RPS6KA2: variants seen among roughly 807,000 people sequenced by gnomAD.
RPS6KA2 encodes the protein ribosomal protein S6 kinase alpha-2.
Under a neutral mutation model 91.8 loss-of-function variants are expected in RPS6KA2, and 42 were observed. That is an observed-to-expected ratio of 0.46 (90% CI 0.36 to 0.59). The LOEUF (loss-of-function observed/expected upper bound fraction) is 0.59, where lower values mean the gene tolerates loss of function less well. RPS6KA2 is among the 20% of genes least tolerant of loss of function. The pLI, the probability that RPS6KA2 is intolerant of heterozygous loss-of-function variation, is 0.00. For missense variants in RPS6KA2, 798 were observed against 978.5 expected (o/e 0.82, Z 2.46); for synonymous variants, 414 against 393.6 (o/e 1.05, Z -0.61).
intron 1 of RPS6KA2, among the ~76,000 whole-genome samples, chr6:166,622,230 A>G (rs1490358837): frequency 1.3e-5 from 2 of 152,236 alleles, no homozygotes; most frequent in African/African-American, 2.4e-5. Context: ...AAACAACAAC[A>G]CTATTTCGGG....
At chr6:166,518,397 T>C (rs1175225566) in intron 3 of RPS6KA2, among the ~76,000 whole-genome samples, 1 of 151,784 alleles carries the variant, frequency 6.6e-6, no homozygotes, top group Admixed American at 6.6e-5. Context: ...TATTTACAAA[T>C]TGGCCATTCA....
chr6:166,812,693 T>C (rs1779671139), intron 2 of RPS6KA2, among the ~76,000 whole-genome samples: 1 of 152,214 alleles, frequency 6.6e-6, no homozygotes, highest in Non-Finnish European at 1.5e-5. Flanking sequence ...ACTCCAGGAA[T>C]AATTTTATGC....
At chr6:166,684,866 C>A (rs1387506491) in intron 2 of RPS6KA2, among the ~76,000 whole-genome samples, 2 of 152,268 alleles carry the variant, frequency 1.3e-5, no homozygotes, top group African/African-American at 4.8e-5. Flanking sequence ...CTTTCTCCTT[C>A]TTTCCAATTT....
At chr6:166,756,078 C>A (rs556017333) in intron 2 of RPS6KA2, among the ~76,000 whole-genome samples, 24 of 152,126 alleles carry the variant, frequency 1.6e-4, no homozygotes, top group African/African-American at 5.8e-4. Flanking sequence ...ATCATGAGGT[C>A]AGGAGATGGA....
At chr6:166,465,594 C>T (rs1780488372) in intron 11 of RPS6KA2, among the ~76,000 whole-genome samples, 3 of 152,222 alleles carry the variant, frequency 2.0e-5, no homozygotes, top group African/African-American at 4.8e-5. Flanking sequence ...GTCCTGAACA[C>T]GGTGTTTTCA....
chr6:166,736,631 A>G (rs1790676119), intron 2 of RPS6KA2, among the ~76,000 whole-genome samples: 1 of 152,204 alleles, frequency 6.6e-6, no homozygotes, highest in Admixed American at 6.5e-5. Flanking sequence ...CAAAGTGTGC[A>G]AAACTCTAAG....
At chr6:166,613,840 A>G (rs1233420642) in intron 1 of RPS6KA2, among the ~76,000 whole-genome samples, 1 of 151,924 alleles carries the variant, frequency 6.6e-6, no homozygotes, top group Non-Finnish European at 1.5e-5. Context: ...CGGGCTTTCC[A>G]CGGCCTTCAG....
At chr6:166,716,671 C>T (rs1790022852) in intron 2 of RPS6KA2, among the ~76,000 whole-genome samples, 1 of 152,158 alleles carries the variant, frequency 6.6e-6, no homozygotes, top group Non-Finnish European at 1.5e-5. Flanking sequence ...GTTGTAATAA[C>T]AAATTATTCA....
At chr6:166,705,333 G>A (rs1789650835) in intron 2 of RPS6KA2, among the ~76,000 whole-genome samples, 1 of 152,172 alleles carries the variant, frequency 6.6e-6, no homozygotes, top group Admixed American at 6.5e-5. Flanking sequence ...TGTCTCTGCT[G>A]CCACCTTCAT....
chr6:166,739,235 A>G (rs1272690222), intron 2 of RPS6KA2, among the ~76,000 whole-genome samples: 1 of 152,230 alleles, frequency 6.6e-6, no homozygotes. Flanking sequence ...CTTTTCTTTG[A>G]TATTTCTCAT....
intron 10 of RPS6KA2, among the ~76,000 whole-genome samples, chr6:166,474,863 C>T (rs1006203076): frequency 3.9e-5 from 6 of 152,160 alleles, no homozygotes; most frequent in Non-Finnish European, 7.3e-5. Flanking sequence ...CCGGGAGCAG[C>T]GCCAAGCACA....
In RPS6KA2 at chr6:166,411,049, A is replaced by T. The variant is rs1395440444; in HGVS notation, c.*1713T>A. 2 of 152,152 alleles carry T rather than the reference A, an allele frequency of 1.3e-5. No homozygotes were observed. Among genetic ancestry groups the T allele is most frequent in the Non-Finnish European group, 2.9e-5 (2 of 68,016 alleles). 9.4% of individuals were successfully genotyped at this position (152,152 alleles called of 1,614,324 possible). A position where few individuals can be genotyped will look rare whatever the true frequency, so the allele number is the denominator to read the frequency against. ...ATGTGAGGAATACCCTGTGGGCACTATGGAAACAGGTATTCAGTCCGACTT... is the reference window on the plus strand; with the variant it reads ...ATGTGAGGAATACCCTGTGGGCACTTTGGAAACAGGTATTCAGTCCGACTT... On this transcript the variant is annotated 3_prime_UTR_variant, in exon 21 of 21. Coordinates refer to ENST00000265678, the MANE Select transcript of RPS6KA2 (RefSeq NM_021135.6). This position sits in a 1 kb window ranked among gnomAD's most constrained non-coding sequence, Gnocchi z 4.5.
chr6:166,430,050 T>C (rs1779066833), intron 16 of RPS6KA2, among the ~76,000 whole-genome samples: 1 of 151,632 alleles, frequency 6.6e-6, no homozygotes, highest in African/African-American at 2.4e-5. Context: ...CTCCGCCTCC[T>C]GGGTTGAAAT....
chr6:166,579,034 T>C (rs569311918), intron 1 of RPS6KA2, among the ~76,000 whole-genome samples: 7 of 152,284 alleles, frequency 4.6e-5, no homozygotes, highest in Admixed American at 4.6e-4. Flanking sequence ...GTAAGTCTGA[T>C]GTCGAGCAGC....
chr6:166,455,577 C>T (rs1252753353), intron 12 of RPS6KA2, among the ~76,000 whole-genome samples: 1 of 152,230 alleles, frequency 6.6e-6, no homozygotes, highest in Non-Finnish European at 1.5e-5. Context: ...AAACTTCCAA[C>T]GCTCCAGACT....
chr6:166,855,768 G>A (rs1288405164), intron 2 of RPS6KA2, among the ~76,000 whole-genome samples: 1 of 152,182 alleles, frequency 6.6e-6, no homozygotes, highest in Non-Finnish European at 1.5e-5. Flanking sequence ...ATTTTCTCCA[G>A]TATTTTCTCA....
rs1780763607 is a variant in RPS6KA2 at position 166,852,229 on chromosome 6, C to A, written c.123+5971G>T. Among the ~76,000 whole-genome samples the A allele has an allele frequency of 6.6e-6, 1 of 152,136 alleles. No individual in the cohort carries two copies. Among genetic ancestry groups the A allele is most frequent in the African/African-American group, 2.4e-5 (1 of 41,422 alleles). ...GCCATCATGGTGACTTATGTAACAC[C>A]AGCTTTCAGAGACGCCACAGAGACA... On this transcript the variant is annotated intron_variant, in intron 2 of 21. Coordinates refer to the RPS6KA2 transcript ENST00000503859. The surrounding 1 kb of genome is among the most constrained non-coding windows in gnomAD (Gnocchi z 4.1).
intron 2 of RPS6KA2, among the ~76,000 whole-genome samples, chr6:166,640,195 G>A (rs1168884863): frequency 6.7e-6 from 1 of 149,980 alleles, no homozygotes; most frequent in East Asian, 2.0e-4. Context: ...AACTATAGCA[G>A]GAAGGATTTC....
chr6:166,836,967 C>T (rs980699833), intron 2 of RPS6KA2, among the ~76,000 whole-genome samples: 6 of 152,166 alleles, frequency 3.9e-5, no homozygotes, highest in Admixed American at 6.5e-5. Flanking sequence ...CGGGCACCTG[C>T]AGCTGAGCTT....
Sources: gnomAD v4.1 joint callset for allele counts (sites outside exome capture counted in the v4.1 genomes callset) on GRCh38, gnomAD v4.1.1 for gene constraint, Gnocchi (gnomAD v3.1) non-coding constraint, MANE v1.5 for transcripts, NCBI Gene and HGNC (gene_info 2026-07-23, HGNC 2026-07-21) for gene names.